The following ARK2C variants were observed in gnomAD, a reference collection of about 807,000 sequenced individuals.
The protein encoded by ARK2C is E3 ubiquitin-protein ligase ARK2C.
At chr18:46,387,910 G>A in the ARK2C span, among the ~76,000 whole-genome samples, 58 of 152,332 alleles carry the variant, frequency 3.8e-4, no homozygotes, top group Non-Finnish European at 6.0e-4. Flanking sequence ...GGGCAGTCAC[G>A]CCTAATCAAC....
the ARK2C span, among the ~76,000 whole-genome samples, chr18:46,455,152 G>C: frequency 1.3e-5 from 2 of 152,174 alleles, no homozygotes; most frequent in Non-Finnish European, 2.9e-5. Context: ...TGGATAGAAA[G>C]ATAAATCCAA....
chr18:46,434,620 C>T, the ARK2C span, among the ~76,000 whole-genome samples: 1 of 152,164 alleles, frequency 6.6e-6, no homozygotes, highest in African/African-American at 2.4e-5. Context: ...TGGTTTTGAC[C>T]TCTTGAACCA....
At chr18:46,373,839 G>A in the ARK2C span, among the ~76,000 whole-genome samples, 160 of 152,292 alleles carry the variant, frequency 1.1e-3, no homozygotes, top group African/African-American at 3.8e-3. Flanking sequence ...CAGAGCTGGG[G>A]CTCGCTAGCC....
At chr18:46,334,276 T>C in the ARK2C span, 1 of 1,544,822 alleles carries the variant, frequency 6.5e-7, no homozygotes, top group Non-Finnish European at 8.7e-7. The surrounding 1 kb of genome is among the most constrained non-coding windows in gnomAD (Gnocchi z 4.4). Flanking sequence ...GGAGCCAGGA[T>C]GGTCCTGGTC....
the ARK2C span, among the ~76,000 whole-genome samples, chr18:46,442,472 T>A: frequency 6.6e-6 from 1 of 152,310 alleles, no homozygotes; most frequent in East Asian, 1.9e-4. Flanking sequence ...CAGACTTTTC[T>A]TGTTGTTGAT....
chr18:46,461,896 C>A, the ARK2C span: 1 of 152,184 alleles, frequency 6.6e-6, no homozygotes, highest in East Asian at 1.9e-4. Context: ...GAGCTGAAAT[C>A]CATGTCTTGT....
chr18:46,450,934 A>C, the ARK2C span: 1 of 659,550 alleles, frequency 1.5e-6, no homozygotes, highest in East Asian at 2.7e-5. Flanking sequence ...GATGCTCTAA[A>C]GCTGTAATAA....
At chr18:46,391,325 G>C in the ARK2C span, among the ~76,000 whole-genome samples, 1 of 152,236 alleles carries the variant, frequency 6.6e-6, no homozygotes, top group Middle Eastern at 3.4e-3. Flanking sequence ...GTGTCCCATG[G>C]GCTCTCTGTT....
At chr18:46,461,315 T>A in the ARK2C span, 1 of 152,244 alleles carries the variant, frequency 6.6e-6, no homozygotes, top group East Asian at 1.9e-4. Flanking sequence ...GGGAAACCAC[T>A]GTGCTGTGCT....
the ARK2C span, among the ~76,000 whole-genome samples, chr18:46,446,181 A>G: frequency 6.6e-6 from 1 of 152,218 alleles, no homozygotes; most frequent in Non-Finnish European, 1.5e-5. Flanking sequence ...GCAACAATCA[A>G]TGATCTTTGC....
the ARK2C span, among the ~76,000 whole-genome samples, chr18:46,443,937 C>G: frequency 6.6e-6 from 1 of 152,150 alleles, no homozygotes; most frequent in Non-Finnish European, 1.5e-5. Flanking sequence ...GTAACAGTCT[C>G]CTAGCAGTGC....
chr18:46,447,782 G>T, the ARK2C span: 3 of 1,486,202 alleles, frequency 2.0e-6, no homozygotes, highest in Non-Finnish European at 2.8e-6. Flanking sequence ...CTGCTACATG[G>T]CCTGGCTCCC....
the ARK2C span, chr18:46,336,251 C>A: frequency 1.0e-6 from 1 of 985,134 alleles, no homozygotes; most frequent in Non-Finnish European, 1.2e-6. Context: ...CTGATTAAAT[C>A]ATTACCATCC....
chr18:46,389,097 A>G, the ARK2C span, among the ~76,000 whole-genome samples: 1 of 152,218 alleles, frequency 6.6e-6, no homozygotes, highest in African/African-American at 2.4e-5. Context: ...TAGGGACCAC[A>G]GAGCAGATAG....
the ARK2C span, among the ~76,000 whole-genome samples, chr18:46,367,434 C>T: frequency 2.0e-5 from 3 of 152,052 alleles, no homozygotes; most frequent in South Asian, 2.1e-4. Flanking sequence ...AAAAAGAAGC[C>T]GTCTCCTTCT....
the ARK2C span, among the ~76,000 whole-genome samples, chr18:46,366,717 C>G: frequency 1.3e-5 from 2 of 152,150 alleles, no homozygotes; most frequent in South Asian, 4.1e-4. Context: ...AGCTCTGCCA[C>G]GGAAGCTTTC....
chr18:46,410,582 T>C, the ARK2C span, among the ~76,000 whole-genome samples: 1 of 152,228 alleles, frequency 6.6e-6, no homozygotes, highest in South Asian at 2.1e-4. Context: ...AGGAAGATGC[T>C]GGCAGGACCT....
At chr18:46,374,499 G>A in the ARK2C span, among the ~76,000 whole-genome samples, 1 of 152,178 alleles carries the variant, frequency 6.6e-6, no homozygotes, top group Non-Finnish European at 1.5e-5. Flanking sequence ...CCTCATGTCA[G>A]TGGAATCACA....
the ARK2C span, chr18:46,337,292 G>T: frequency 3.7e-5 from 36 of 985,242 alleles, no homozygotes; most frequent in Non-Finnish European, 4.2e-5. Flanking sequence ...GTGTTCTGCT[G>T]TGCTGAATTA....
Sources: allele counts gnomAD v4.1 joint callset (sites outside exome capture counted in the v4.1 genomes callset), GRCh38; gene constraint gnomAD v4.1.1; non-coding constraint Gnocchi (gnomAD v3.1); transcripts MANE v1.5; gene names NCBI Gene and HGNC (gene_info 2026-07-23, HGNC 2026-07-21).